The following MAML3 variants were observed in gnomAD, a reference collection of about 807,000 sequenced individuals.
The protein encoded by MAML3 is mastermind like transcriptional coactivator 3.
MAML3 carries 27 observed loss-of-function variants against 101.9 expected under a neutral mutation model. The ratio of observed to expected loss-of-function variants is 0.27; its 90% CI spans 0.20 to 0.37. The LOEUF (loss-of-function observed/expected upper bound fraction) is 0.37, where lower values mean the gene tolerates loss of function less well. Ranked by LOEUF, MAML3 falls within the 10% of genes least tolerant of loss-of-function variation. The pLI is 1.00. For synonymous variants in MAML3, 501 were observed against 555.9 expected, an observed-to-expected ratio of 0.90 and a Z score of 1.39; for missense variants, 1,316 against 1,444.9, an observed-to-expected ratio of 0.91 and a Z score of 1.45.
At chr4:140,138,416 T>A (rs1728930888) in intron 1 of MAML3, among the ~76,000 whole-genome samples, 1 of 152,214 alleles carries the variant, frequency 6.6e-6, no homozygotes, top group African/African-American at 2.4e-5. Flanking sequence ...AAAATACATT[T>A]TCAACCATTT....
intron 1 of MAML3, among the ~76,000 whole-genome samples, chr4:140,078,389 T>C (rs1440467596): frequency 6.6e-6 from 1 of 152,222 alleles, no homozygotes; most frequent in African/African-American, 2.4e-5. Flanking sequence ...TCATTACTAT[T>C]TGTATTACAC....
At chr4:140,111,332 T>G (rs982441528) in intron 1 of MAML3, among the ~76,000 whole-genome samples, 1 of 152,198 alleles carries the variant, frequency 6.6e-6, no homozygotes, top group African/African-American at 2.4e-5. Context: ...CAGTATGAGA[T>G]GCAACTGAGG....
At chr4:139,741,391 G>T (rs377072562) in intron 2 of MAML3, among the ~76,000 whole-genome samples, 11 of 152,220 alleles carry the variant, frequency 7.2e-5, no homozygotes, top group East Asian at 3.9e-4. Context: ...TTCGAACAAG[G>T]TTTTACATAT....
At chr4:140,044,803 A>G (rs924727339) in intron 1 of MAML3, among the ~76,000 whole-genome samples, 1 of 152,212 alleles carries the variant, frequency 6.6e-6, no homozygotes, top group African/African-American at 2.4e-5. Context: ...TCTTGGCACC[A>G]GGCTCATTCC....
chr4:140,020,787 C>T (rs1192803853), intron 1 of MAML3, among the ~76,000 whole-genome samples: 2 of 152,302 alleles, frequency 1.3e-5, no homozygotes, highest in Middle Eastern at 3.4e-3. Context: ...GAGGGCCAAA[C>T]ACCATGCAGA....
intron 2 of MAML3, among the ~76,000 whole-genome samples, chr4:139,866,727 C>G (rs1467393708): frequency 1.3e-5 from 2 of 152,124 alleles, no homozygotes; most frequent in Admixed American, 6.5e-5. Context: ...GTCAGCCAAG[C>G]GAAGACGAAG....
Position 140,153,534 on chromosome 4 carries a change from G to T in MAML3, c.-207C>A. 3.6e-6 allele frequency: 2 copies of T among 548,432 alleles called. No individual in the cohort carries two copies. Among genetic ancestry groups the T allele is most frequent in the South Asian group, 5.6e-5 (2 of 35,970 alleles). 34.0% of individuals were successfully genotyped at this position (548,432 alleles called of 1,614,324 possible). ...TGTTTCCTTTTTTTAAACTGTAAAA[G>T]CTCAAGGGGAAGAAAAGGGGGGAAC... is the stretch of plus-strand genomic sequence containing the variant. On this transcript the variant is annotated 5_prime_UTR_variant, in exon 1 of 5. Coordinates refer to ENST00000509479, the MANE Select transcript of MAML3 (RefSeq NM_018717.5).
At chr4:139,882,554 C>G (rs972328808) in intron 2 of MAML3, among the ~76,000 whole-genome samples, 1 of 152,100 alleles carries the variant, frequency 6.6e-6, no homozygotes, top group Non-Finnish European at 1.5e-5. Context: ...GTTTTCTAAA[C>G]TGTAACTCTA....
intron 2 of MAML3, among the ~76,000 whole-genome samples, chr4:139,874,570 G>A (rs1287153735): frequency 6.6e-6 from 1 of 151,874 alleles, no homozygotes; most frequent in African/African-American, 2.4e-5. Flanking sequence ...GACACCACAG[G>A]CACATAAAAT....
chr4:139,792,053 C>T (rs1448702300), intron 2 of MAML3, among the ~76,000 whole-genome samples: 3 of 152,162 alleles, frequency 2.0e-5, no homozygotes, highest in Admixed American at 6.5e-5. Context: ...ATGCAGACAG[C>T]GCTACATACA....
At position 139,917,239 on chromosome 4, in the gene MAML3, A is replaced by T. The variant is rs989667252; in HGVS notation, c.469-26272T>A. Among the ~76,000 whole-genome samples, 3 of 152,226 alleles carry T rather than the reference A, an allele frequency of 2.0e-5. No individual in the cohort carries two copies. In the East Asian group the frequency reaches 5.8e-4, roughly 29 times the overall value. ...CATTTAAGGCAGGAAAACCTGTCTC[A>T]TAAGCAGTTTTGTTTTCCTTGAAGT... On this transcript the variant is annotated intron_variant, in intron 1 of 4. Coordinates refer to ENST00000509479, the MANE Select transcript of MAML3 (RefSeq NM_018717.5).
chr4:139,773,141 T>C (rs1435593871), intron 2 of MAML3, among the ~76,000 whole-genome samples: 4 of 152,182 alleles, frequency 2.6e-5, no homozygotes, highest in Non-Finnish European at 4.4e-5. Flanking sequence ...AAGCTGAGGA[T>C]AGAACTATCA....
At chr4:140,149,284 C>A (rs1578710475) in intron 1 of MAML3, among the ~76,000 whole-genome samples, 1 of 152,272 alleles carries the variant, frequency 6.6e-6, no homozygotes, top group East Asian at 1.9e-4. Flanking sequence ...ATGTTCAGAA[C>A]GGACCTAATA....
chr4:139,811,881 G>A (rs1200655847), intron 2 of MAML3, among the ~76,000 whole-genome samples: 2 of 152,176 alleles, frequency 1.3e-5, no homozygotes, highest in African/African-American at 2.4e-5. Flanking sequence ...ATGAATGTGT[G>A]GTAACTAATT....
At chr4:139,862,203 C>G (rs116780670) in intron 2 of MAML3, among the ~76,000 whole-genome samples, 1 of 152,248 alleles carries the variant, frequency 6.6e-6, no homozygotes, top group African/African-American at 2.4e-5. Flanking sequence ...AAGCAAAACT[C>G]TTGTCTCAAA....
intron 1 of MAML3, among the ~76,000 whole-genome samples, chr4:139,903,630 G>A (rs899979643): frequency 6.6e-6 from 1 of 152,152 alleles, no homozygotes; most frequent in African/African-American, 2.4e-5. Flanking sequence ...TCTTTACAGA[G>A]GTTAAGTTAA....
At chr4:140,016,315 C>T (rs151195007) in intron 1 of MAML3, among the ~76,000 whole-genome samples, 2 of 152,184 alleles carry the variant, frequency 1.3e-5, no homozygotes, top group East Asian at 1.9e-4. Flanking sequence ...AGGCATACTG[C>T]ATTAATGGAT....
At chr4:140,114,075 G>T (rs1315093847) in intron 1 of MAML3, among the ~76,000 whole-genome samples, 7 of 152,102 alleles carry the variant, frequency 4.6e-5, no homozygotes. Flanking sequence ...GTAGAAAAAT[G>T]CTGCTAATTC....
intron 2 of MAML3, among the ~76,000 whole-genome samples, chr4:139,777,628 G>C (rs972922635): frequency 1.3e-5 from 2 of 152,212 alleles, no homozygotes; most frequent in African/African-American, 4.8e-5. Context: ...CTGGGTTCAA[G>C]CAATCCTCTT....
Sources: gnomAD v4.1 joint callset for allele counts (sites outside exome capture counted in the v4.1 genomes callset) on GRCh38, gnomAD v4.1.1 for gene constraint, MANE v1.5 for transcripts, NCBI Gene and HGNC (gene_info 2026-07-23, HGNC 2026-07-21) for gene names.